The following KIF26A variants were observed in gnomAD, a reference collection of about 807,000 sequenced individuals.
The protein encoded by KIF26A is kinesin-like protein KIF26A.
In KIF26A, 74 loss-of-function variants were observed where a neutral mutation model predicts 126.0. That is an observed-to-expected ratio of 0.59 (90% CI 0.49 to 0.71). The LOEUF (loss-of-function observed/expected upper bound fraction) is 0.71. KIF26A is among the 30% of genes least tolerant of loss of function. KIF26A has a pLI of 0.00. For missense variants in KIF26A, 2,984 were observed against 2,763.3 expected, an observed-to-expected ratio of 1.08 and a Z score of -1.79; for synonymous variants, 1,445 against 1,232.7, an observed-to-expected ratio of 1.17 and a Z score of -3.61.
chr14:104,171,938 A>G lies in KIF26A; in HGVS notation c.1326+3A>G. 1 of 1,550,504 alleles carries G rather than the reference A, an allele frequency of 6.4e-7. No homozygotes were observed. Among genetic ancestry groups the G allele is most frequent in the East Asian group, 2.4e-5 (1 of 40,954 alleles). On this transcript the variant is annotated splice_donor_region_variant and intron_variant, in intron 6 of 14. Transcript: ENST00000423312. ...TCTTCCCCCAGGACTCCGAGCAGGT[A>G]CGGGCAGGCGGACTGGGCGTCCTCC... is the stretch of plus-strand genomic sequence containing the variant.
intron 3 of KIF26A, among the ~76,000 whole-genome samples, chr14:104,157,000 C>T (rs938363593): frequency 5.3e-5 from 8 of 151,952 alleles, no homozygotes; most frequent in African/African-American, 1.5e-4. Context: ...GGGGCCGGGG[C>T]GAGGGGTGGC....
chr14:104,179,300 T>C lies in KIF26A; in HGVS notation c.5381T>C (p.Val1794Ala), dbSNP rs1273211876. 2.0e-6 allele frequency: 3 copies of C among 1,535,326 alleles called. No homozygotes were observed. Among genetic ancestry groups the C allele is most frequent in the Admixed American group, 2.0e-5 (1 of 50,594 alleles). ...AERRQQRLRE[V>A]QAKHKHLCEE... Reference sequence around the variant, plus strand: ...CGCAGGCAGCAGCGGCTGCGGGAGGTGCAGGCCAAGCACAAGCACCTGTGT... The same window carrying C: ...CGCAGGCAGCAGCGGCTGCGGGAGGCGCAGGCCAAGCACAAGCACCTGTGT... Residue 1794 changes from valine (V) to alanine (A), a missense_variant, in exon 14 of 15, where the codon GTG (valine) becomes GCG (alanine). Transcript: ENST00000423312.
Position 104,177,555 on chromosome 14 carries a change from C to T in KIF26A, c.4767C>T (p.Asp1589=), listed in dbSNP as rs545601068. ...CCTCGTGGGGCTCGGCGGACTCAGACAGCGGCCATGACAGCGGCGTGAACG... is the reference window on the plus strand; with the variant it reads ...CCTCGTGGGGCTCGGCGGACTCAGATAGCGGCCATGACAGCGGCGTGAACG... ...GGSSWGSADS[D]SGHDSGVNVG... The change falls in exon 12 of 15, where the codon GAC becomes GAT. Residue 1589 remains aspartate (D), a synonymous_variant. Transcript: ENST00000423312. 6.5e-7 allele frequency: 1 copy of T among 1,537,778 alleles called. No individual in the cohort carries two copies. Among genetic ancestry groups the T allele is most frequent in the Non-Finnish European group, 8.7e-7 (1 of 1,147,142 alleles).
Position 104,166,845 on chromosome 14 carries a change from C to T in KIF26A, c.924-14C>T. On this transcript the variant is annotated splice_polypyrimidine_tract_variant and intron_variant, in intron 4 of 14. Transcript: ENST00000423312. ...TCACCCACCACTGATCCTGCCTCTG[C>T]CTCTCCTCCCCAGGGCTATGCAGAA... is the stretch of plus-strand genomic sequence containing the variant. The T allele has an allele frequency of 6.5e-7, 1 of 1,545,352 alleles. No homozygotes were observed. The highest frequency in any genetic ancestry group is 1.4e-5 in the African/African-American group (1 of 73,012).
chr14:104,140,994 C>T (rs2037632426), intron 2 of KIF26A, among the ~76,000 whole-genome samples: 2 of 152,206 alleles, frequency 1.3e-5, no homozygotes, highest in Admixed American at 1.3e-4. Flanking sequence ...AGAGAAGACC[C>T]CATCCTCCAC....
rs1290689088 is a variant in KIF26A at position 104,174,202 on chromosome 14, C to G, written c.2085C>G (p.Arg695=). The G allele has an allele frequency of 6.3e-7, 1 of 1,589,686 alleles. No homozygotes were observed. The highest frequency in any genetic ancestry group is 1.8e-5 in the Admixed American group (1 of 57,088). The change falls in exon 11 of 15, where the codon CGC becomes CGG. Residue 695 remains arginine, a synonymous_variant. Coordinates refer to ENST00000423312, the MANE Select transcript of KIF26A (RefSeq NM_015656.2). ...LRESLATAGC[R]TTMIAHVSDA... is the part of the protein sequence containing the mutation. ...AATCCCTGGCCACCGCTGGCTGCCGCACCACCATGATCGCCCACGTGTCGG... is the reference window on the plus strand; with the variant it reads ...AATCCCTGGCCACCGCTGGCTGCCGGACCACCATGATCGCCCACGTGTCGG...
rs541184014 is a variant in KIF26A at position 104,166,110 on chromosome 14, C to T, written c.924-749C>T. ...CAGGGTGGGCTTTGGGGTGGGGAGG[C>T]GCTCGCCCTGGCTGAGGGGCAGGGT... On this transcript the variant is annotated intron_variant, in intron 4 of 14. Coordinates refer to ENST00000423312, the MANE Select transcript of KIF26A (RefSeq NM_015656.2). Among the ~76,000 whole-genome samples the T allele has an allele frequency of 4.6e-5, 7 of 152,044 alleles. No individual in the cohort carries two copies. In the East Asian group the frequency reaches 9.7e-4, roughly 21 times the overall value.
chr14:104,174,318 C>A lies in KIF26A; in HGVS notation c.2193+8C>A. ...CGCAGGAAGAAGGCCAAGGTGCTCC[C>A]CACCTCCTGCCCGCCCCATCTCGGG... On this transcript the variant is annotated splice_region_variant and intron_variant, in intron 11 of 14. Transcript: ENST00000423312. 1 of 1,521,298 alleles carries A rather than the reference C, an allele frequency of 6.6e-7. No homozygotes were observed. Among genetic ancestry groups the A allele is most frequent in the East Asian group, 2.5e-5 (1 of 39,686 alleles). The allele number at this position is 1,521,298 out of a possible 1,614,324, so 94.2% of individuals were successfully genotyped here. A position where few individuals can be genotyped will look rare whatever the true frequency, so the allele number is the denominator to read the frequency against.
In KIF26A at chr14:104,151,341, G is replaced by C. The variant is rs1329625320; in HGVS notation, c.289-674G>C. 6.6e-6 allele frequency among the ~76,000 whole-genome samples: 1 copy of C among 152,030 alleles called. No individual in the cohort carries two copies. Among genetic ancestry groups the C allele is most frequent in the African/African-American group, 2.4e-5 (1 of 41,420 alleles). ...AGGGAAGGGGGCAGTCACCAAACAG[G>C]GTGCATCCCAGCGTACAGCTCAGAC... On this transcript the variant is annotated intron_variant, in intron 2 of 14. Transcript: ENST00000423312. The surrounding 1 kb of genome is among the most constrained non-coding windows in gnomAD (Gnocchi z 4.9).
chr14:104,154,358 A>AGAAGG (rs2037757884), intron 3 of KIF26A, among the ~76,000 whole-genome samples: 1 of 152,000 alleles, frequency 6.6e-6, no homozygotes, highest in Non-Finnish European at 1.5e-5. Context: ...GCTGAACGTT[A>AGAAGG]CTGGGTCTGG....
At chr14:104,178,128 C>T (rs1373106843) in intron 12 of KIF26A, among the ~76,000 whole-genome samples, 2 of 152,244 alleles carry the variant, frequency 1.3e-5, no homozygotes, top group Admixed American at 6.5e-5. Context: ...CCTTCTCTGG[C>T]CCCACCCTGC....
intron 12 of KIF26A, 100 bp downstream of exon 12, chr14:104,177,998 A>T (rs917782007): frequency 7.8e-7 from 1 of 1,277,132 alleles, no homozygotes; most frequent in African/African-American, 1.6e-5. Flanking sequence ...TGCTGGACAG[A>T]TGGGCACAGC....
chr14:104,175,383 C>T lies in KIF26A; in HGVS notation c.2595C>T (p.Asp865=), dbSNP rs370752454. The T allele has an allele frequency of 6.4e-5, 102 of 1,598,286 alleles. No individual in the cohort carries two copies. The Admixed American group carries it at 8.6e-4, about 13-fold the overall frequency. ...EGPSGGPGGT[D]GAQASPARGG... ...CCTCAGGAGGTCCAGGTGGCACCGA[C>T]GGAGCTCAGGCCAGCCCCGCCCGAG... Residue 865 remains aspartate, a synonymous_variant, in exon 12 of 15, where the codon GAC becomes GAT. Transcript: ENST00000423312.
At position 104,179,591 on chromosome 14, in the gene KIF26A, C is replaced by G. The variant is rs1227410402; in HGVS notation, c.5468-18C>G. On this transcript the variant is annotated intron_variant, in intron 14 of 14. Transcript: ENST00000423312. ...CGGGCCTGACGCAGGTGCCCCTCCCCTCTCCTCCCCTCCCCAGTTGAGGTG... is the reference window on the plus strand; with the variant it reads ...CGGGCCTGACGCAGGTGCCCCTCCCGTCTCCTCCCCTCCCCAGTTGAGGTG... 1.4e-5 allele frequency: 21 copies of G among 1,497,508 alleles called. No individual in the cohort carries two copies. The highest frequency in any genetic ancestry group is 3.9e-5 in the South Asian group (3 of 76,522). The allele number at this position is 1,497,508 out of a possible 1,614,324, so 92.8% of individuals were successfully genotyped here.
chr14:104,163,142 C>G (rs979850850), intron 4 of KIF26A, among the ~76,000 whole-genome samples: 3 of 152,176 alleles, frequency 2.0e-5, no homozygotes, highest in South Asian at 2.1e-4. Context: ...GGTGGGCAGG[C>G]AGGAAGAACC....
In KIF26A at chr14:104,148,967, C is replaced by T. The variant is rs1270619468; in HGVS notation, c.289-3048C>T. The stretch of plus-strand genomic sequence containing the variant: ...GTCCTGCAAATAGGAGGTCTCGGGT[C>T]CTCTGGGCTGGGCTGTGTGGCTCTG... On this transcript the variant is annotated intron_variant, in intron 2 of 14. Transcript: ENST00000423312. The surrounding 1 kb of genome is among the most constrained non-coding windows in gnomAD (Gnocchi z 4.3). Among the ~76,000 whole-genome samples the T allele has an allele frequency of 2.0e-5, 3 of 152,132 alleles. No individual in the cohort carries two copies. Among genetic ancestry groups the T allele is most frequent in the Non-Finnish European group, 4.4e-5 (3 of 68,024 alleles).
At position 104,159,195 on chromosome 14, in the gene KIF26A, G is replaced by A. The variant is rs148128434; in HGVS notation, c.923+1253G>A. Among the ~76,000 whole-genome samples the A allele has an allele frequency of 4.1e-4, 62 of 152,340 alleles. No individual in the cohort carries two copies. In the East Asian group the frequency reaches 0.011, roughly 28 times the overall value. ...AGGTGCCGAGAGCACGGCTGGCTGGGACCCTGGTGGGAGCAGATGGGGGTC... is the reference window on the plus strand; with the variant it reads ...AGGTGCCGAGAGCACGGCTGGCTGGAACCCTGGTGGGAGCAGATGGGGGTC... On this transcript the variant is annotated intron_variant, in intron 4 of 14. Transcript: ENST00000423312.
intron 2 of KIF26A, among the ~76,000 whole-genome samples, chr14:104,140,233 G>A (rs992389465): frequency 2.0e-5 from 3 of 152,100 alleles, no homozygotes; most frequent in Non-Finnish European, 2.9e-5. Context: ...CACCGTCTCC[G>A]GGCTCTCTGG....
chr14:104,169,488 G>A (rs2037937484), intron 5 of KIF26A, among the ~76,000 whole-genome samples: 1 of 152,144 alleles, frequency 6.6e-6, no homozygotes, highest in African/African-American at 2.4e-5. Flanking sequence ...AGTGCTCAGT[G>A]CTTCCCCAGC....
Sources: gnomAD v4.1 joint callset for allele counts (sites outside exome capture counted in the v4.1 genomes callset) on GRCh38, gnomAD v4.1.1 for gene constraint, Gnocchi (gnomAD v3.1) non-coding constraint, MANE v1.5 for transcripts, NCBI Gene and HGNC (gene_info 2026-07-23, HGNC 2026-07-21) for gene names.